The following RPS6KC1 variants were observed in gnomAD, a reference collection of about 807,000 sequenced individuals.
The protein encoded by RPS6KC1 is inactive ribosomal protein S6 kinase delta-1.
A neutral mutation model predicts 103.8 loss-of-function variants in RPS6KC1; 54 were observed. That is an observed-to-expected ratio of 0.52 (90% confidence interval 0.42 to 0.65). The LOEUF (loss-of-function observed/expected upper bound fraction) is 0.65. Among genes scored for constraint, RPS6KC1 ranks in the 30% least tolerant of loss-of-function variants. RPS6KC1 has a pLI of 0.00. For synonymous variants in RPS6KC1, 439 were observed against 438.7 expected, an observed-to-expected ratio of 1.00 and a Z score of -0.01; for missense variants, 1,151 against 1,253.8, an observed-to-expected ratio of 0.92 and a Z score of 1.24.
At chr1:213,499,564 A>T in the RPS6KC1 span, among the ~76,000 whole-genome samples, 3 of 152,304 alleles carry the variant, frequency 2.0e-5, no homozygotes, top group South Asian at 6.2e-4. Flanking sequence ...TGAGACTCTC[A>T]TGCCTCTGCT....
At chr1:213,577,460 A>G in the RPS6KC1 span, among the ~76,000 whole-genome samples, 1 of 152,264 alleles carries the variant, frequency 6.6e-6, no homozygotes, top group Non-Finnish European at 1.5e-5. Flanking sequence ...TGTGGAACCA[A>G]CTTTGGAACT....
chr1:213,369,934 A>G, the RPS6KC1 span, among the ~76,000 whole-genome samples: 2 of 152,074 alleles, frequency 1.3e-5, no homozygotes, highest in African/African-American at 4.8e-5. Context: ...CCAGCCTGCA[A>G]TTTTCCTCAA....
chr1:213,577,819 G>C, the RPS6KC1 span, among the ~76,000 whole-genome samples: 2 of 152,252 alleles, frequency 1.3e-5, no homozygotes, highest in Admixed American at 1.3e-4. Context: ...TGGAATTTAT[G>C]TTTAAAAGGG....
intron 3 of RPS6KC1, among the ~76,000 whole-genome samples, chr1:213,090,609 A>C (rs2080876646): frequency 6.6e-6 from 1 of 152,128 alleles, no homozygotes; most frequent in South Asian, 2.1e-4. Context: ...AACCTTTTCT[A>C]TTCTGTTTTT....
chr1:213,591,429 C>G, the RPS6KC1 span, among the ~76,000 whole-genome samples: 1 of 152,148 alleles, frequency 6.6e-6, no homozygotes, highest in African/African-American at 2.4e-5. Context: ...CTTCTGTTTC[C>G]CACCATGTTT....
the RPS6KC1 span, among the ~76,000 whole-genome samples, chr1:213,705,039 C>T: frequency 6.6e-6 from 1 of 152,252 alleles, no homozygotes; most frequent in African/African-American, 2.4e-5. Flanking sequence ...CCTGTGGTCA[C>T]CACCACTGGG....
chr1:213,724,766 T>C, the RPS6KC1 span, among the ~76,000 whole-genome samples: 82,202 of 152,048 alleles, frequency 0.54, 23,177 homozygotes, highest in African/African-American at 0.7. Flanking sequence ...AAAGGAAAAT[T>C]TGACGACTCC....
At chr1:213,481,695 C>T in the RPS6KC1 span, among the ~76,000 whole-genome samples, 2 of 151,958 alleles carry the variant, frequency 1.3e-5, no homozygotes, top group Non-Finnish European at 2.9e-5. Context: ...GAATCATAGC[C>T]GATTTTGTTG....
chr1:213,765,795 A>T, the RPS6KC1 span, among the ~76,000 whole-genome samples: 1 of 152,152 alleles, frequency 6.6e-6, no homozygotes, highest in African/African-American at 2.4e-5. Context: ...GAAACTGGAA[A>T]CCATTCCCTA....
the RPS6KC1 span, among the ~76,000 whole-genome samples, chr1:213,297,761 C>A: frequency 2.6e-5 from 4 of 152,070 alleles, no homozygotes; most frequent in Non-Finnish European, 5.9e-5. Context: ...CAGGCATGTA[C>A]CACCACGCTA....
intron 3 of RPS6KC1, among the ~76,000 whole-genome samples, chr1:213,092,526 G>C (rs1426312352): frequency 5.9e-3 from 1 of 170 alleles, no homozygotes; most frequent in Non-Finnish European, 0.013. Context: ...GAAAAATTAG[G>C]CCGGGCATGG....
At chr1:213,377,127 C>T in the RPS6KC1 span, among the ~76,000 whole-genome samples, 1 of 152,330 alleles carries the variant, frequency 6.6e-6, no homozygotes, top group Middle Eastern at 3.4e-3. Context: ...TGGAGTTAAA[C>T]ATTTGCTCAG....
At chr1:213,534,434 A>T in the RPS6KC1 span, among the ~76,000 whole-genome samples, 2 of 152,316 alleles carry the variant, frequency 1.3e-5, no homozygotes, top group Non-Finnish European at 2.9e-5. Flanking sequence ...TTGATAGATG[A>T]GGAAATAGCC....
intron 6 of RPS6KC1, among the ~76,000 whole-genome samples, chr1:213,164,855 C>T (rs2090812568): frequency 6.6e-6 from 1 of 152,162 alleles, no homozygotes; most frequent in Admixed American, 6.5e-5. Context: ...AGGAGTGAGC[C>T]ACAGCCTAGT....
At chr1:213,500,062 T>C in the RPS6KC1 span, among the ~76,000 whole-genome samples, 1 of 152,228 alleles carries the variant, frequency 6.6e-6, no homozygotes, top group Admixed American at 6.5e-5. Flanking sequence ...AAAAATATTT[T>C]TCTTTCAATA....
the RPS6KC1 span, among the ~76,000 whole-genome samples, chr1:213,316,038 A>C: frequency 6.6e-6 from 1 of 152,292 alleles, no homozygotes; most frequent in African/African-American, 2.4e-5. Flanking sequence ...CACAAATCTC[A>C]TCTGGAATTG....
chr1:213,604,014 G>T, the RPS6KC1 span, among the ~76,000 whole-genome samples: 1 of 152,226 alleles, frequency 6.6e-6, no homozygotes, highest in South Asian at 2.1e-4. Flanking sequence ...ACTGGGAAAG[G>T]TTATTACTAT....
the RPS6KC1 span, among the ~76,000 whole-genome samples, chr1:213,436,835 A>G: frequency 1.3e-5 from 2 of 152,152 alleles, no homozygotes; most frequent in Non-Finnish European, 2.9e-5. Context: ...ATAGAAATGC[A>G]ATCCATTTTG....
chr1:213,628,092 C>A, the RPS6KC1 span, among the ~76,000 whole-genome samples: 2 of 152,250 alleles, frequency 1.3e-5, no homozygotes, highest in East Asian at 1.9e-4. Context: ...TTATTGCCTC[C>A]ATTTCAGAGC....
Sources: gnomAD v4.1 joint callset for allele counts (sites outside exome capture counted in the v4.1 genomes callset) on GRCh38, gnomAD v4.1.1 for gene constraint, MANE v1.5 for transcripts, NCBI Gene and HGNC (gene_info 2026-07-23, HGNC 2026-07-21) for gene names.